The following UGT1A10 variants were observed in gnomAD, a reference collection of about 807,000 sequenced individuals.
UGT1A10 encodes the protein UDP-glucuronosyltransferase 1A10.
UGT1A10 carries 49 observed loss-of-function variants against 45.8 expected under a neutral mutation model. The observed-to-expected ratio is 1.07, with a 90% CI of 0.85 to 1.36. The LOEUF (loss-of-function observed/expected upper bound fraction) is 1.36, where lower values mean the gene tolerates loss of function less well. Among genes scored for constraint, UGT1A10 ranks in the 40% most tolerant of loss-of-function variants. The pLI is 0.00. For missense variants in UGT1A10, 745 were observed against 668.6 expected, an observed-to-expected ratio of 1.11 and a Z score of -1.26; for synonymous variants, 284 against 249.7, an observed-to-expected ratio of 1.14 and a Z score of -1.29.
chr2:233,710,120 C>T lies in UGT1A10; in HGVS notation c.856-56914C>T, dbSNP rs183297183. Among the ~76,000 whole-genome samples, 303 of 152,210 alleles carry T rather than the reference C, an allele frequency of 2.0e-3. 3 individuals carry two copies. The highest frequency in any genetic ancestry group is 6.9e-3 in the African/African-American group (286 of 41,512). On this transcript the variant is annotated intron_variant, in intron 1 of 4. Coordinates refer to ENST00000344644, the MANE Select transcript of UGT1A10 (RefSeq NM_019075.4). ...TCAATATTTCATTCGTTTCTATTTCCGAGTAGCATTTCATTGTATAGATAT... is the reference window on the plus strand; with the variant it reads ...TCAATATTTCATTCGTTTCTATTTCTGAGTAGCATTTCATTGTATAGATAT...
intron 1 of UGT1A10, chr2:233,750,801 G>A (rs763545505): frequency 6.6e-6 from 1 of 151,910 alleles, no homozygotes; most frequent in Non-Finnish European, 1.5e-5. Flanking sequence ...AAGAATTTAG[G>A]TTTGGGAACC....
At chr2:233,674,765 G>A (rs1022130512) in intron 1 of UGT1A10, among the ~76,000 whole-genome samples, 3 of 152,182 alleles carry the variant, frequency 2.0e-5, no homozygotes, top group Admixed American at 6.5e-5. Context: ...GACTATACGT[G>A]TAAAGCCAGC....
At chr2:233,685,302 A>G (rs1183812820) in intron 1 of UGT1A10, among the ~76,000 whole-genome samples, 1 of 152,094 alleles carries the variant, frequency 6.6e-6, no homozygotes, top group African/African-American at 2.4e-5. Flanking sequence ...CAAAGTGTTG[A>G]GATTACAGGT....
intron 1 of UGT1A10, chr2:233,752,598 T>G (rs1695013249): frequency 6.6e-6 from 1 of 152,212 alleles, no homozygotes. Flanking sequence ...CAAGATTTTT[T>G]TTAAAAAAAC....
chr2:233,751,417 C>CT, intron 1 of UGT1A10, among the ~76,000 whole-genome samples: 1 of 152,082 alleles, frequency 6.6e-6, no homozygotes, highest in East Asian at 1.9e-4. Flanking sequence ...GACTTTTGAG[C>CT]TAGTGCTGAA....
At chr2:233,765,849 A>G (rs548142757) in intron 1 of UGT1A10, among the ~76,000 whole-genome samples, 8 of 152,220 alleles carry the variant, frequency 5.3e-5, no homozygotes, top group African/African-American at 1.7e-4. Flanking sequence ...TGTCCCCCTC[A>G]CAGAGCATGT....
intron 1 of UGT1A10, among the ~76,000 whole-genome samples, chr2:233,643,335 AC>A (rs1403509788): frequency 6.6e-6 from 1 of 151,936 alleles, no homozygotes; most frequent in South Asian, 2.1e-4. Flanking sequence ...AGCCACTGCC[AC>A]CCCTGGCCAT....
chr2:233,716,913 A>C (rs1022916140), intron 1 of UGT1A10, among the ~76,000 whole-genome samples: 1 of 152,088 alleles, frequency 6.6e-6, no homozygotes, highest in Non-Finnish European at 1.5e-5. Flanking sequence ...AGACCCTGGA[A>C]GCTGATGCCT....
chr2:233,745,916 A>G (rs1693246629), intron 1 of UGT1A10, among the ~76,000 whole-genome samples: 1 of 151,488 alleles, frequency 6.6e-6, no homozygotes. Flanking sequence ...CAGCTGAGGC[A>G]GTGATTCAGA....
chr2:233,672,234 A>G (rs897369639), intron 1 of UGT1A10: 2 of 1,614,032 alleles, frequency 1.2e-6, no homozygotes, highest in Non-Finnish European at 1.7e-6. Context: ...AATGGAAAGC[A>G]CAAGTACGAA....
chr2:233,664,457 T>G (rs1240714310), intron 1 of UGT1A10, among the ~76,000 whole-genome samples: 1 of 152,192 alleles, frequency 6.6e-6, no homozygotes, highest in African/African-American at 2.4e-5. Context: ...ACTGGGTAAT[T>G]TATAAATAAA....
chr2:233,754,977 T>C (rs754870869), intron 1 of UGT1A10: 1 of 1,298,334 alleles, frequency 7.7e-7, no homozygotes, highest in Non-Finnish European at 1.0e-6. Context: ...CCTGAAGACC[T>C]CGGCGGGGTC....
rs116217777 is a variant in UGT1A10 at position 233,642,280 on chromosome 2, T to C, written c.855+4903T>C. 5.9e-3 allele frequency among the ~76,000 whole-genome samples: 896 copies of C among 152,328 alleles called. 9 individuals are homozygous for C. Among genetic ancestry groups the C allele is most frequent in the African/African-American group, 0.021 (855 of 41,580 alleles). ...CTCAGTAATTATTTCTTGTGTTTGG[T>C]CCATTCTGCTATTAAAGGACTTTGA... On this transcript the variant is annotated intron_variant, in intron 1 of 4. Transcript: ENST00000344644.
intron 1 of UGT1A10, chr2:233,753,210 T>TAGAC (rs1695156471): frequency 2.0e-5 from 3 of 152,224 alleles, no homozygotes; most frequent in African/African-American, 4.8e-5. Flanking sequence ...ACAGTCTGTC[T>TAGAC]TATTTTGATA....
intron 4 of UGT1A10, chr2:233,770,791 A>G (rs1255344851): frequency 2.0e-5 from 3 of 152,202 alleles, no homozygotes; most frequent in Admixed American, 6.5e-5. Flanking sequence ...AACATTATAG[A>G]TATGTTTAAA....
chr2:233,747,876 T>C, intron 1 of UGT1A10: 1 of 1,613,612 alleles, frequency 6.2e-7, no homozygotes, highest in South Asian at 1.1e-5. Context: ...GGCCCTGTCC[T>C]ACCTTTGCCA....
intron 1 of UGT1A10, among the ~76,000 whole-genome samples, chr2:233,646,673 C>T (rs143371686): frequency 2.0e-5 from 3 of 152,330 alleles, no homozygotes; most frequent in African/African-American, 7.2e-5. Context: ...ACGAGTTCCT[C>T]ATCTCCATTT....
chr2:233,654,639 C>T (rs1368670709), intron 1 of UGT1A10, among the ~76,000 whole-genome samples: 1 of 152,210 alleles, frequency 6.6e-6, no homozygotes, highest in African/African-American at 2.4e-5. Context: ...CTGATGATTG[C>T]TTGGCGACAT....
chr2:233,749,952 C>T (rs1450236503), intron 1 of UGT1A10, among the ~76,000 whole-genome samples: 1 of 151,854 alleles, frequency 6.6e-6, no homozygotes, highest in Non-Finnish European at 1.5e-5. Flanking sequence ...ATTACCGAGT[C>T]TTGGGTATGT....
Sources: allele counts gnomAD v4.1 joint callset (sites outside exome capture counted in the v4.1 genomes callset), GRCh38; gene constraint gnomAD v4.1.1; transcripts MANE v1.5; gene names NCBI Gene and HGNC (gene_info 2026-07-23, HGNC 2026-07-21).